ATP9B: variants seen among roughly 807,000 people sequenced by gnomAD.
The protein encoded by ATP9B is probable phospholipid-transporting ATPase IIB.
ATP9B carries 110 observed loss-of-function variants against 146.1 expected under a neutral mutation model. The ratio of observed to expected loss-of-function variants is 0.75; its 90% confidence interval spans 0.65 to 0.88. The LOEUF is 0.88. Ranked by LOEUF, ATP9B falls within the 40% of genes least tolerant of loss-of-function variation. The pLI is 0.00. For synonymous variants in ATP9B, 604 were observed against 569.7 expected (o/e 1.06, Z -0.86); for missense variants, 1,499 against 1,496.4 (o/e 1.00, Z -0.03).
chr18:79,234,767 A>T (rs973717611), intron 11 of ATP9B, among the ~76,000 whole-genome samples: 1 of 152,090 alleles, frequency 6.6e-6, no homozygotes, highest in Non-Finnish European at 1.5e-5. Context: ...TGGCTTAGGG[A>T]GATAATCAAC....
chr18:79,105,989 C>T (rs2075627816), intron 2 of ATP9B, among the ~76,000 whole-genome samples: 1 of 152,110 alleles, frequency 6.6e-6, no homozygotes, highest in Non-Finnish European at 1.5e-5. Flanking sequence ...TTAACTATGA[C>T]TAGTTAACAT....
In ATP9B at chr18:79,342,299, C is replaced by G; in HGVS notation, c.2315C>G (p.Thr772Arg). The change falls in exon 20 of 30, where the codon ACA (threonine) becomes AGA (arginine). Residue 772 changes from threonine (T) to arginine (R), a missense_variant. Coordinates refer to ENST00000426216, the MANE Select transcript of ATP9B (RefSeq NM_198531.5). ...ATGCTAACAGGCGATAAACTCGAGA[C>G]AGCTACCTGCATTGCCAAAAGTTCA... The part of the protein sequence containing the change: ...IWMLTGDKLE[T>R]ATCIAKSSHL... 1.2e-6 allele frequency: 2 copies of G among 1,613,728 alleles called. No individual in the cohort carries two copies. Among genetic ancestry groups the G allele is most frequent in the Non-Finnish European group, 1.7e-6 (2 of 1,179,736 alleles).
At chr18:79,106,639 TTAG>T in intron 2 of ATP9B, among the ~76,000 whole-genome samples, 1 of 152,358 alleles carries the variant, frequency 6.6e-6, no homozygotes, top group Non-Finnish European at 1.5e-5. Flanking sequence ...AATAAAATTA[TTAG>T]TAGCACAGTG....
intron 6 of ATP9B, among the ~76,000 whole-genome samples, chr18:79,152,533 T>G (rs534087923): frequency 2.3e-4 from 35 of 152,360 alleles, no homozygotes; most frequent in Non-Finnish European, 4.3e-4. Flanking sequence ...GGTTAGTTTT[T>G]TAAGACAATT....
At chr18:79,155,755 T>C (rs959368080) in intron 7 of ATP9B, among the ~76,000 whole-genome samples, 9 of 32,356 alleles carry the variant, frequency 2.8e-4, no homozygotes, top group South Asian at 1.0e-3. Context: ...TTTTCTCTCT[T>C]TTTTTTTTTT....
chr18:79,221,374 G>A (rs1276108751), intron 11 of ATP9B, among the ~76,000 whole-genome samples: 1 of 152,182 alleles, frequency 6.6e-6, no homozygotes, highest in Admixed American at 6.5e-5. Context: ...TGATAAGGAG[G>A]ACTTGCCCCA....
intron 8 of ATP9B, among the ~76,000 whole-genome samples, chr18:79,179,636 C>G (rs548005956): frequency 6.6e-6 from 1 of 152,096 alleles, no homozygotes; most frequent in South Asian, 2.1e-4. Flanking sequence ...TTATTTAATT[C>G]TCTTATGGTC....
At chr18:79,299,647 T>G (rs2096576790) in intron 13 of ATP9B, among the ~76,000 whole-genome samples, 1 of 152,236 alleles carries the variant, frequency 6.6e-6, no homozygotes, top group Non-Finnish European at 1.5e-5. Context: ...GTGCATTGTC[T>G]TATTCATTTT....
At chr18:79,292,967 A>T (rs1019183904) in intron 13 of ATP9B, among the ~76,000 whole-genome samples, 2 of 152,034 alleles carry the variant, frequency 1.3e-5, no homozygotes, top group African/African-American at 4.8e-5. Flanking sequence ...AGTAATCAAG[A>T]CAATGTGGTA....
intron 12 of ATP9B, among the ~76,000 whole-genome samples, chr18:79,262,837 T>A (rs1302011595): frequency 6.6e-6 from 1 of 152,256 alleles, no homozygotes; most frequent in Non-Finnish European, 1.5e-5. Flanking sequence ...TTTTATACTT[T>A]TTCTGTATAA....
chr18:79,263,771 G>A (rs61355446), intron 12 of ATP9B, among the ~76,000 whole-genome samples: 33,526 of 152,150 alleles, frequency 0.22, 4,124 homozygotes, highest in East Asian at 0.48. Context: ...TACTCCACAC[G>A]TTAGCACCCT....
At chr18:79,325,732 G>A (rs542986043) in intron 15 of ATP9B, among the ~76,000 whole-genome samples, 15 of 152,260 alleles carry the variant, frequency 9.9e-5, no homozygotes, top group South Asian at 6.2e-4. Context: ...ACGCAGCACC[G>A]GTGACACCAT....
At chr18:79,234,521 C>T (rs527396281) in intron 11 of ATP9B, among the ~76,000 whole-genome samples, 78 of 152,340 alleles carry the variant, frequency 5.1e-4, no homozygotes, top group African/African-American at 1.8e-3. Context: ...GGGACATCCA[C>T]GGCCAGCTCC....
Position 79,255,966 on chromosome 18 carries a change from G to A in ATP9B, c.1268+2425G>A, listed in dbSNP as rs548426205. ...CGTGTTTGGGATTCTTCTCCTGCAA[G>A]TTGCTTCCAGAGCCTCATAGCATGT... On this transcript the variant is annotated intron_variant, in intron 12 of 29. Transcript: ENST00000426216. Among the ~76,000 whole-genome samples, 229 of 152,218 alleles carry A rather than the reference G, an allele frequency of 1.5e-3. 1 individual carries two copies. Among genetic ancestry groups the A allele is most frequent in the Non-Finnish European group, 2.6e-3 (178 of 67,994 alleles).
intron 11 of ATP9B, among the ~76,000 whole-genome samples, chr18:79,230,064 T>C (rs1418693518): frequency 1.3e-5 from 2 of 152,152 alleles, no homozygotes; most frequent in Non-Finnish European, 2.9e-5. Flanking sequence ...GTGTAAGTGC[T>C]AAGACTGAAT....
chr18:79,322,132 C>T (rs1239013565), intron 15 of ATP9B, among the ~76,000 whole-genome samples: 1 of 152,126 alleles, frequency 6.6e-6, no homozygotes. Context: ...GAGTGTATCG[C>T]TGATGCCCTG....
intron 11 of ATP9B, among the ~76,000 whole-genome samples, chr18:79,233,848 T>C (rs994774591): frequency 4.6e-5 from 7 of 152,214 alleles, no homozygotes; most frequent in African/African-American, 1.7e-4. Flanking sequence ...ATGTAAAATA[T>C]ATACTGTATT....
intron 15 of ATP9B, among the ~76,000 whole-genome samples, chr18:79,318,217 C>T (rs907677065): frequency 1.3e-5 from 2 of 152,218 alleles, no homozygotes; most frequent in African/African-American, 4.8e-5. Context: ...GGGCTACACA[C>T]GATGACTTCG....
intron 9 of ATP9B, among the ~76,000 whole-genome samples, chr18:79,200,789 G>GGGGACTGTCGGGGTCA (rs1244770040): frequency 9.7e-4 from 77 of 79,136 alleles, no homozygotes; most frequent in Middle Eastern, 5.2e-3. Flanking sequence ...AAGTAGTGGT[G>GGGGACTGTCGGGGTCA]GAATTGTTTT....
Sources: gnomAD v4.1 joint callset for allele counts (sites outside exome capture counted in the v4.1 genomes callset) on GRCh38, gnomAD v4.1.1 for gene constraint, MANE v1.5 for transcripts, NCBI Gene and HGNC (gene_info 2026-07-23, HGNC 2026-07-21) for gene names.